The following SAMD5 variants were observed in gnomAD, a reference collection of about 807,000 sequenced individuals.
SAMD5 encodes sterile alpha motif domain containing 5.
Under a neutral mutation model 11.3 loss-of-function variants are expected in SAMD5, and 13 were observed. That is an observed-to-expected ratio of 1.15 (90% CI 0.75 to 1.83). SAMD5 has a LOEUF of 1.83. Ranked by LOEUF, SAMD5 falls within the 40% of genes most tolerant of loss-of-function variation. The pLI is 0.00. For missense variants in SAMD5, 255 were observed against 239.1 expected (o/e 1.07, Z -0.44); for synonymous variants, 129 against 111.3 (o/e 1.16, Z -1.00).
rs183850532 is a variant in SAMD5 at position 147,639,712 on chromosome 6, C to G, written c.163-97605C>G. On this transcript the variant is annotated intron_variant, in intron 1 of 1. Coordinates refer to the SAMD5 transcript ENST00000566741. The stretch of plus-strand genomic sequence containing the variant: ...ATTGAAAAAGGTGCCTGTGTTTCCT[C>G]TGCATCTTTCTTTGGGAGAATTTTT... Among the ~76,000 whole-genome samples the G allele has an allele frequency of 6.8e-4, 103 of 152,350 alleles. 1 individual carries two copies. Among genetic ancestry groups the G allele is most frequent in the African/African-American group, 2.3e-3 (94 of 41,584 alleles).
the SAMD5 span, among the ~76,000 whole-genome samples, chr6:147,877,686 T>C: frequency 2.0e-5 from 3 of 151,928 alleles, no homozygotes; most frequent in African/African-American, 7.3e-5. Context: ...ATCCAATCAG[T>C]TGAAGGCCTT....
chr6:147,509,439 G>C, intron 1 of SAMD5, 52 bp downstream of exon 1: 1 of 1,460,020 alleles, frequency 6.8e-7, no homozygotes, highest in Non-Finnish European at 9.1e-7. Context: ...AGGGGACACA[G>C]CCCAGCTGCC....
chr6:147,619,036 C>A (rs1789917547), intron 1 of SAMD5, among the ~76,000 whole-genome samples: 1 of 152,194 alleles, frequency 6.6e-6, no homozygotes, highest in Non-Finnish European at 1.5e-5. Flanking sequence ...AGCAGTCCTT[C>A]CTCCTCTGCC....
intron 1 of SAMD5, among the ~76,000 whole-genome samples, chr6:147,602,912 G>A (rs1337545670): frequency 1.3e-5 from 2 of 152,194 alleles, no homozygotes; most frequent in African/African-American, 4.8e-5. Flanking sequence ...GAGGCTGAGG[G>A]ATGCTGAAAG....
the SAMD5 span, among the ~76,000 whole-genome samples, chr6:147,828,089 C>T: frequency 6.6e-6 from 1 of 151,998 alleles, no homozygotes; most frequent in Admixed American, 6.6e-5. Flanking sequence ...CCAGGCCCAA[C>T]GTGACATTCT....
At chr6:147,679,392 A>G (rs1343196504) in intron 1 of SAMD5, among the ~76,000 whole-genome samples, 3 of 152,056 alleles carry the variant, frequency 2.0e-5, no homozygotes, top group African/African-American at 7.2e-5. Flanking sequence ...TATTTCCTTA[A>G]TGATGAATGA....
chr6:147,732,212 T>C (rs1430016643), intron 1 of SAMD5, among the ~76,000 whole-genome samples: 1 of 152,170 alleles, frequency 6.6e-6, no homozygotes, highest in East Asian at 1.9e-4. Flanking sequence ...TTCTGAACAA[T>C]TGCGTGACCC....
intron 1 of SAMD5, among the ~76,000 whole-genome samples, chr6:147,698,612 A>C (rs1791211987): frequency 6.6e-6 from 1 of 152,126 alleles, no homozygotes; most frequent in Admixed American, 6.6e-5. Context: ...TTCATCCACC[A>C]ATTCACTTCA....
At chr6:147,881,085 C>T in the SAMD5 span, among the ~76,000 whole-genome samples, 1 of 152,138 alleles carries the variant, frequency 6.6e-6, no homozygotes, top group African/African-American at 2.4e-5. Flanking sequence ...AGACAAGCAC[C>T]CTCTTCCATA....
intron 1 of SAMD5, among the ~76,000 whole-genome samples, chr6:147,716,480 A>G (rs546621126): frequency 4.2e-4 from 64 of 152,342 alleles, no homozygotes; most frequent in African/African-American, 1.5e-3. Context: ...GTGCCTGGGA[A>G]GGCGGGACTC....
At chr6:147,794,386 T>C in the SAMD5 span, among the ~76,000 whole-genome samples, 2 of 152,258 alleles carry the variant, frequency 1.3e-5, no homozygotes, top group East Asian at 3.9e-4. Flanking sequence ...ACTCACATAA[T>C]TGTCTACTAT....
chr6:147,767,542 T>G, the SAMD5 span, among the ~76,000 whole-genome samples: 1 of 151,148 alleles, frequency 6.6e-6, no homozygotes, highest in African/African-American at 2.4e-5. Flanking sequence ...TAATTAGGGT[T>G]AGATGAGTTT....
the SAMD5 span, among the ~76,000 whole-genome samples, chr6:147,835,649 C>T: frequency 6.6e-6 from 1 of 152,272 alleles, no homozygotes; most frequent in South Asian, 2.1e-4. Context: ...TCCCCCTCTT[C>T]TGCCCCATAT....
chr6:147,783,522 C>T, the SAMD5 span, among the ~76,000 whole-genome samples: 2 of 151,950 alleles, frequency 1.3e-5, no homozygotes, highest in African/African-American at 2.4e-5. Flanking sequence ...GCCTTCCAAG[C>T]AGCTGGGGCT....
chr6:147,737,871 A>G (rs928463822), downstream of SAMD5, among the ~76,000 whole-genome samples: 4 of 152,004 alleles, frequency 2.6e-5, no homozygotes, highest in African/African-American at 9.7e-5. Flanking sequence ...GACATCGGTT[A>G]TTTCCTAATC....
the SAMD5 span, among the ~76,000 whole-genome samples, chr6:147,772,821 C>T: frequency 6.6e-6 from 1 of 152,138 alleles, no homozygotes; most frequent in African/African-American, 2.4e-5. Flanking sequence ...TCTGAGGTAC[C>T]TGGGGATTAG....
chr6:147,676,017 G>A (rs1321337959), intron 1 of SAMD5: 3 of 152,126 alleles, frequency 2.0e-5, no homozygotes, highest in Non-Finnish European at 4.4e-5. Flanking sequence ...ACACTGCATG[G>A]TGAAAGCGTG....
intron 1 of SAMD5, among the ~76,000 whole-genome samples, chr6:147,735,076 AAG>A (rs1791776079): frequency 6.6e-6 from 1 of 152,234 alleles, no homozygotes; most frequent in Admixed American, 6.5e-5. Flanking sequence ...TGTACAATAA[AAG>A]AGCTGGTTAA....
the SAMD5 span, among the ~76,000 whole-genome samples, chr6:147,821,285 T>C: frequency 6.6e-6 from 1 of 152,236 alleles, no homozygotes; most frequent in Non-Finnish European, 1.5e-5. Context: ...AAAGGTGCTT[T>C]TTGTTTTGAG....
Sources: gnomAD v4.1 joint callset for allele counts (sites outside exome capture counted in the v4.1 genomes callset) on GRCh38, gnomAD v4.1.1 for gene constraint, MANE v1.5 for transcripts, NCBI Gene and HGNC (gene_info 2026-07-23, HGNC 2026-07-21) for gene names.